Variants in PCCA observed in about 807,000 individuals in gnomAD.
PCCA encodes the protein propionyl-CoA carboxylase subunit alpha.
A neutral mutation model predicts 101.3 loss-of-function variants in PCCA; 74 were observed. The ratio of observed to expected loss-of-function variants is 0.73; its 90% CI spans 0.61 to 0.89. The LOEUF is 0.89. Among genes scored for constraint, PCCA ranks in the 40% least tolerant of loss-of-function variants. The pLI is 0.00. For synonymous variants in PCCA, 294 were observed against 313.6 expected (o/e 0.94, Z 0.66); for missense variants, 891 against 907.0 (o/e 0.98, Z 0.23).
At chr13:100,395,687 C>T (rs1195574017) in intron 19 of PCCA, among the ~76,000 whole-genome samples, 1 of 152,072 alleles carries the variant, frequency 6.6e-6, no homozygotes, top group Non-Finnish European at 1.5e-5. Flanking sequence ...TTTAGTGGTT[C>T]TGCCTTTGGT....
chr13:100,142,358 G>T (rs1465711494), intron 4 of PCCA, among the ~76,000 whole-genome samples: 1 of 151,970 alleles, frequency 6.6e-6, no homozygotes, highest in African/African-American at 2.4e-5. Flanking sequence ...CTTGCCTATT[G>T]CTGCTGCCAG....
intron 11 of PCCA, among the ~76,000 whole-genome samples, chr13:100,271,155 C>T (rs1354185774): frequency 6.6e-6 from 1 of 152,184 alleles, no homozygotes; most frequent in Non-Finnish European, 1.5e-5. Flanking sequence ...AAGATAGTTT[C>T]ACAGAGCTGC....
chr13:100,420,802 G>A (rs541196092), intron 19 of PCCA, among the ~76,000 whole-genome samples: 1 of 152,170 alleles, frequency 6.6e-6, no homozygotes, highest in South Asian at 2.1e-4. Context: ...TAACTCAAAT[G>A]CAGTTTAAAA....
chr13:100,160,279 G>A (rs2054312642), intron 6 of PCCA, among the ~76,000 whole-genome samples: 2 of 152,142 alleles, frequency 1.3e-5, no homozygotes, highest in Admixed American at 6.5e-5. Flanking sequence ...GAGGTGGGCA[G>A]ATCACTTGAG....
chr13:100,350,058 G>A (rs866258124), intron 18 of PCCA, among the ~76,000 whole-genome samples: 1 of 152,256 alleles, frequency 6.6e-6, no homozygotes, highest in South Asian at 2.1e-4. Context: ...GATGATAAAA[G>A]TTTAAGGTTT....
intron 7 of PCCA, among the ~76,000 whole-genome samples, chr13:100,234,033 A>G (rs1037845898): frequency 6.6e-6 from 1 of 152,220 alleles, no homozygotes; most frequent in Admixed American, 6.5e-5. Flanking sequence ...ACTTTTTACA[A>G]TAGCAGTTTA....
intron 6 of PCCA, among the ~76,000 whole-genome samples, chr13:100,172,156 G>A (rs1435070809): frequency 1.3e-5 from 2 of 149,316 alleles, no homozygotes; most frequent in African/African-American, 4.9e-5. Flanking sequence ...AGCTGAGATT[G>A]CACCACTACA....
intron 1 of PCCA, among the ~76,000 whole-genome samples, chr13:100,092,959 A>G (rs1392193421): frequency 1.3e-5 from 2 of 152,204 alleles, no homozygotes; most frequent in African/African-American, 4.8e-5. Context: ...TACCATTTGG[A>G]TTTTATTCTG....
intron 9 of PCCA, 67 bp from the exon 10 acceptor site, chr13:100,262,662 C>T (rs1042595530): frequency 9.1e-6 from 7 of 773,380 alleles, no homozygotes; most frequent in African/African-American, 1.7e-5. Flanking sequence ...GACTCTTCTT[C>T]TCCTTCTTCC....
chr13:100,187,209 T>C (rs1322343034), intron 6 of PCCA, among the ~76,000 whole-genome samples: 2 of 152,220 alleles, frequency 1.3e-5, no homozygotes, highest in African/African-American at 4.8e-5. Context: ...GATTTATACC[T>C]GTTGATTATT....
intron 7 of PCCA, among the ~76,000 whole-genome samples, chr13:100,227,949 A>C (rs553296741): frequency 6.6e-6 from 1 of 152,324 alleles, no homozygotes; most frequent in South Asian, 2.1e-4. Context: ...TCAAATGAAA[A>C]ATTTTTAAGG....
chr13:100,445,644 A>G (rs2152922112), intron 20 of PCCA, among the ~76,000 whole-genome samples: 1 of 152,166 alleles, frequency 6.6e-6, no homozygotes, highest in South Asian at 2.1e-4. Flanking sequence ...CAGATTCTTC[A>G]TGTAAGTGAG....
chr13:100,426,575 A>G (rs1181908594), intron 20 of PCCA, among the ~76,000 whole-genome samples: 3 of 152,168 alleles, frequency 2.0e-5, no homozygotes, highest in African/African-American at 7.2e-5. Context: ...TCTATGAGAG[A>G]CCGGGATAGT....
intron 23 of PCCA, among the ~76,000 whole-genome samples, chr13:100,529,696 C>T (rs990617476): frequency 6.6e-6 from 1 of 152,192 alleles, no homozygotes; most frequent in African/African-American, 2.4e-5. Context: ...CTAAGTATTC[C>T]ATTAATTCTC....
At chr13:100,490,362 C>A (rs75645792) in intron 21 of PCCA, 190 of 152,254 alleles carry the variant, frequency 1.2e-3, no homozygotes, top group African/African-American at 4.4e-3. Context: ...GTCTGATTTA[C>A]TTTTTGGATC....
intron 16 of PCCA, among the ~76,000 whole-genome samples, chr13:100,318,327 C>CTCTCTG (rs1408129252): frequency 6.7e-6 from 1 of 149,112 alleles, no homozygotes; most frequent in South Asian, 2.1e-4. Flanking sequence ...AGTGAAATCT[C>CTCTCTG]TCTCTGTCTC....
chr13:100,316,922 C>T (rs200776492), intron 16 of PCCA, among the ~76,000 whole-genome samples: 25 of 151,876 alleles, frequency 1.6e-4, no homozygotes, highest in African/African-American at 4.6e-4. Flanking sequence ...TACAGGGGTG[C>T]GCCACCACAC....
At chr13:100,209,045 G>A (rs1594742891) in intron 6 of PCCA, among the ~76,000 whole-genome samples, 2 of 152,172 alleles carry the variant, frequency 1.3e-5, no homozygotes, top group South Asian at 2.1e-4. Context: ...GGTGTAGGAC[G>A]TTATATACAA....
chr13:100,359,096 CA>C lies in PCCA; in HGVS notation c.1644-9361del, dbSNP rs35233154. Among the ~76,000 whole-genome samples the C allele has an allele frequency of 2.9e-4, 30 of 103,758 alleles. No homozygotes were observed. The South Asian group carries it at 3.0e-3, about 10-fold the overall frequency. 68.1% of individuals were successfully genotyped at this position (103,758 alleles called of 152,430 possible). A position where few individuals can be genotyped will look rare whatever the true frequency, so the allele number is the denominator to read the frequency against. On this transcript the variant is annotated intron_variant, in intron 18 of 23. Coordinates refer to ENST00000376285, the MANE Select transcript of PCCA (RefSeq NM_000282.4). ...GCCTGGGCAACAGAGCAAGACTCCTCAAAAAAAAAAAAAAAGAAAAAGAAAA... is the reference window on the plus strand; with the variant it reads ...GCCTGGGCAACAGAGCAAGACTCCTCAAAAAAAAAAAAAAGAAAAAGAAAA...
Sources: gnomAD v4.1 joint callset for allele counts (sites outside exome capture counted in the v4.1 genomes callset) on GRCh38, gnomAD v4.1.1 for gene constraint, MANE v1.5 for transcripts, NCBI Gene and HGNC (gene_info 2026-07-23, HGNC 2026-07-21) for gene names.